Variants in PPP1R1C observed in about 807,000 individuals in gnomAD.
PPP1R1C encodes the protein protein phosphatase 1 regulatory subunit 1C.
PPP1R1C carries 15 observed loss-of-function variants against 17.4 expected under a neutral mutation model. That is an observed-to-expected ratio of 0.86 (90% confidence interval 0.58 to 1.33). PPP1R1C has a LOEUF of 1.33. PPP1R1C is among the 40% of genes most tolerant of loss of function. PPP1R1C has a pLI of 0.00. For missense variants in PPP1R1C, 143 were observed against 130.0 expected, an observed-to-expected ratio of 1.10 and a Z score of -0.48; for synonymous variants, 35 against 43.1, an observed-to-expected ratio of 0.81 and a Z score of 0.73.
At chr2:181,955,067 CAA>C (rs1445274852) in intron 1 of PPP1R1C, among the ~76,000 whole-genome samples, 7 of 152,090 alleles carry the variant, frequency 4.6e-5, no homozygotes, top group Admixed American at 3.9e-4. Context: ...ATTTATAAAA[CAA>C]AGAGAATAAT....
At chr2:182,103,878 T>C (rs1207894378) in intron 4 of PPP1R1C, 1 of 152,178 alleles carries the variant, frequency 6.6e-6, no homozygotes, top group Non-Finnish European at 1.5e-5. Context: ...ATTTTGAGAC[T>C]ATAAACTCAT....
intron 2 of PPP1R1C, among the ~76,000 whole-genome samples, chr2:182,009,171 T>G (rs1421974181): frequency 6.6e-6 from 1 of 152,130 alleles, no homozygotes; most frequent in Admixed American, 6.5e-5. Context: ...GGTCATATGA[T>G]AGTTCTATTT....
At chr2:182,096,897 T>C (rs1181513478) in intron 4 of PPP1R1C, among the ~76,000 whole-genome samples, 1 of 152,198 alleles carries the variant, frequency 6.6e-6, no homozygotes, top group Non-Finnish European at 1.5e-5. Flanking sequence ...CATGAAAAGC[T>C]TGCTCAAGAA....
At position 182,076,181 on chromosome 2, in the gene PPP1R1C, CTTTTTTTTTTCTTTTCTTTTTTTTTTT is replaced by C. The variant is rs1574431310; in HGVS notation, c.241+12401_241+12427del. 1.5e-3 allele frequency among the ~76,000 whole-genome samples: 73 copies of C among 47,520 alleles called. 6 individuals are homozygous for C. Among genetic ancestry groups the C allele is most frequent in the Admixed American group, 6.2e-3 (29 of 4,678 alleles). 31.2% of individuals were successfully genotyped at this position (47,520 alleles called of 152,430 possible). ...TTATCTATAAATCAAGGATTTTGAACTTTTTTTTTTCTTTTCTTTTTTTTTTTTTTTTTTTTTTTTTTTTTTTTTTTT... is the reference window on the plus strand; with the variant it reads ...TTATCTATAAATCAAGGATTTTGAACTTTTTTTTTTTTTTTTTTTTTTTTT... On this transcript the variant is annotated intron_variant, in intron 4 of 4. Coordinates refer to ENST00000682840, the MANE Select transcript of PPP1R1C (RefSeq NM_001080545.3).
intron 2 of PPP1R1C, among the ~76,000 whole-genome samples, chr2:181,989,571 C>T (rs1218183282): frequency 1.3e-5 from 2 of 152,258 alleles, no homozygotes; most frequent in East Asian, 3.9e-4. Context: ...AAAGTAAATC[C>T]ATTTTCTGGA....
chr2:182,002,887 C>A lies in PPP1R1C; in HGVS notation c.142+14988C>A, dbSNP rs189193771. On this transcript the variant is annotated intron_variant, in intron 2 of 4. Transcript: ENST00000682840. ...CATAGTCATTCTCACCTTCGTCTTCCATAACTGGTAGAATCATACCACCAA... is the reference window on the plus strand; with the variant it reads ...CATAGTCATTCTCACCTTCGTCTTCAATAACTGGTAGAATCATACCACCAA... Among the ~76,000 whole-genome samples, 171 of 149,972 alleles carry A rather than the reference C, an allele frequency of 1.1e-3. 1 individual carries two copies. The highest frequency in any genetic ancestry group is 4.0e-3 in the African/African-American group (164 of 41,084).
At chr2:181,987,736 C>A in intron 1 of PPP1R1C, 103 bp from the exon 2 acceptor site, 1 of 1,171,530 alleles carries the variant, frequency 8.5e-7, no homozygotes, top group Non-Finnish European at 1.2e-6. Flanking sequence ...TTTGCTTTTG[C>A]ATGTGGGGAA....
chr2:182,049,978 TGTAGTGG>T (rs1023546649), intron 2 of PPP1R1C, among the ~76,000 whole-genome samples: 2 of 152,360 alleles, frequency 1.3e-5, no homozygotes, highest in African/African-American at 4.8e-5. Flanking sequence ...TCTGTTCTCC[TGTAGTGG>T]GGCTCTGCCA....
intron 4 of PPP1R1C, among the ~76,000 whole-genome samples, chr2:182,073,921 G>A (rs1242701041): frequency 6.6e-6 from 1 of 152,166 alleles, no homozygotes; most frequent in Non-Finnish European, 1.5e-5. Flanking sequence ...ATTGTATCCC[G>A]AGACAATAGA....
At chr2:182,107,969 A>T (rs2125232271) in intron 4 of PPP1R1C, among the ~76,000 whole-genome samples, 1 of 152,116 alleles carries the variant, frequency 6.6e-6, no homozygotes. Context: ...CCCCACCTGC[A>T]TTCTGAAACA....
chr2:181,977,412 CT>C (rs1685113595), intron 2 of PPP1R1C, among the ~76,000 whole-genome samples: 1 of 151,996 alleles, frequency 6.6e-6, no homozygotes, highest in Non-Finnish European at 1.5e-5. Context: ...ATTTTGTCCT[CT>C]TTTCCCCCTT....
chr2:182,128,643 C>A (rs200103227), intron 5 of PPP1R1C, among the ~76,000 whole-genome samples: 1 of 81,148 alleles, frequency 1.2e-5, no homozygotes, highest in African/African-American at 7.5e-5. Context: ...TATGTATGTA[C>A]GTATGTATAT....
rs1689614119 is a variant in PPP1R1C, at chr2:182,117,255, A to G, written c.290A>G (p.Glu97Gly). 2.6e-6 allele frequency: 4 copies of G among 1,564,856 alleles called. No individual in the cohort carries two copies. The East Asian group carries it at 9.5e-5, about 37-fold the overall frequency. ...AATGAATCAGCATTCCCTGAAGAAG[A>G]AGAAGGCACCAATGAAAGAGAGGAG... is the stretch of plus-strand genomic sequence containing the variant. The part of the protein sequence containing the change: ...GQNESAFPEE[E>G]EGTNEREEQR... The change falls in exon 5 of 5, where the codon GAA (glutamate) becomes GGA (glycine). Residue 97 changes from glutamate to glycine, a missense_variant. Coordinates refer to ENST00000682840, the MANE Select transcript of PPP1R1C (RefSeq NM_001080545.3).
chr2:182,100,510 G>GAA (rs34715175), intron 4 of PPP1R1C, among the ~76,000 whole-genome samples: 65 of 130,876 alleles, frequency 5.0e-4, no homozygotes, highest in African/African-American at 1.5e-3. Flanking sequence ...TTCCATCTCG[G>GAA]AAAAAAAAAA....
chr2:181,957,862 C>T lies in PPP1R1C; in HGVS notation n.111+3228C>T, dbSNP rs763800267. On this transcript the variant is annotated intron_variant and non_coding_transcript_variant, in intron 1 of 5. Coordinates refer to the PPP1R1C transcript ENST00000464264. The surrounding 1 kb of genome is among the most constrained non-coding windows in gnomAD (Gnocchi z 4.2). ...CATTGCTAATCTTGCCATTGCATTT[C>T]GCTAAAGTGCAAATAATTGATAAAT... 3.9e-5 allele frequency among the ~76,000 whole-genome samples: 6 copies of T among 152,272 alleles called. No homozygotes were observed. The highest frequency in any genetic ancestry group is 1.3e-4 in the Admixed American group (2 of 15,302).
chr2:182,015,356 A>G (rs1026669839), intron 2 of PPP1R1C, among the ~76,000 whole-genome samples: 3 of 152,198 alleles, frequency 2.0e-5, no homozygotes, highest in African/African-American at 7.2e-5. Context: ...GCCTTCTGCC[A>G]TAATTGTGAG....
chr2:181,957,977 T>C lies in PPP1R1C; in HGVS notation n.111+3343T>C, dbSNP rs948074922. 2.6e-5 allele frequency among the ~76,000 whole-genome samples: 4 copies of C among 152,146 alleles called. No individual in the cohort carries two copies. The highest frequency in any genetic ancestry group is 9.7e-5 in the African/African-American group (4 of 41,422). On this transcript the variant is annotated intron_variant and non_coding_transcript_variant, in intron 1 of 5. Transcript: ENST00000464264. The surrounding 1 kb of genome is among the most constrained non-coding windows in gnomAD (Gnocchi z 4.2). The stretch of plus-strand genomic sequence containing the variant: ...ATTCCTAAGAGGGACTGAGTAATAA[T>C]GAAAGTAGATTGAAGTATTTTGAAG...
At chr2:182,044,578 A>T (rs970923381) in intron 2 of PPP1R1C, among the ~76,000 whole-genome samples, 3 of 152,162 alleles carry the variant, frequency 2.0e-5, no homozygotes, top group Admixed American at 1.3e-4. Flanking sequence ...TAAGGAAAAA[A>T]ATGATAAGAT....
intron 2 of PPP1R1C, among the ~76,000 whole-genome samples, chr2:182,017,144 T>A (rs1299772644): frequency 6.6e-6 from 1 of 152,148 alleles, no homozygotes; most frequent in African/African-American, 2.4e-5. Flanking sequence ...ATCAACTATA[T>A]CTTTAGTGCA....
Sources: gnomAD v4.1 joint callset for allele counts (sites outside exome capture counted in the v4.1 genomes callset) on GRCh38, gnomAD v4.1.1 for gene constraint, Gnocchi (gnomAD v3.1) non-coding constraint, MANE v1.5 for transcripts, NCBI Gene and HGNC (gene_info 2026-07-23, HGNC 2026-07-21) for gene names.